The following TBC1D1 variants were observed in gnomAD, a reference collection of about 807,000 sequenced individuals.
The protein encoded by TBC1D1 is TBC1 (tre-2/USP6, BUB2, cdc16) domain family, member 1.
In TBC1D1, 89 loss-of-function variants were observed where a neutral mutation model predicts 125.6. The ratio of observed to expected loss-of-function variants is 0.71; its 90% CI spans 0.60 to 0.85. The LOEUF (loss-of-function observed/expected upper bound fraction) is 0.85. Ranked by LOEUF, TBC1D1 falls within the 40% of genes least tolerant of loss-of-function variation. The pLI is 0.00. For synonymous variants in TBC1D1, 565 were observed against 564.1 expected, an observed-to-expected ratio of 1.00 and a Z score of -0.02; for missense variants, 1,377 against 1,469.2, an observed-to-expected ratio of 0.94 and a Z score of 1.03.
intron 13 of TBC1D1, among the ~76,000 whole-genome samples, chr4:38,094,097 T>C (rs1758910044): frequency 6.6e-6 from 1 of 152,252 alleles, no homozygotes; most frequent in Non-Finnish European, 1.5e-5. Context: ...GCAATTCTTC[T>C]AAAATCTCTG....
At chr4:38,035,886 C>T (rs879463152) in intron 8 of TBC1D1, among the ~76,000 whole-genome samples, 188 bp downstream of exon 8, 1 of 152,106 alleles carries the variant, frequency 6.6e-6, no homozygotes, top group Non-Finnish European at 1.5e-5. Context: ...AGAAAAGTTT[C>T]TGCCTGCACC....
intron 6 of TBC1D1, among the ~76,000 whole-genome samples, chr4:38,026,090 AAG>A (rs1491107031): frequency 6.6e-6 from 1 of 151,618 alleles, no homozygotes; most frequent in East Asian, 1.9e-4. Context: ...TAAAAAAAAA[AAG>A]GCCCATTTCT....
At position 38,049,800 on chromosome 4, in the gene TBC1D1, C is replaced by T. The variant is rs150930395; in HGVS notation, c.1812C>T (p.Cys604=). 3,382 of 1,614,132 alleles carry T rather than the reference C, an allele frequency of 2.1e-3. 10 individuals are homozygous for T. The highest frequency in any genetic ancestry group is 2.7e-3 in the Non-Finnish European group (3,150 of 1,180,000). ...CCCTGAGTCACTTCCCCATCGAATG[C>T]CAGGAACCTCCACAACCTGCCCGGG... The change falls in exon 11 of 20, where the codon TGC becomes TGT. Residue 604 remains cysteine, a synonymous_variant. Coordinates refer to ENST00000261439, the MANE Select transcript of TBC1D1 (RefSeq NM_015173.4).
chr4:38,103,282 CT>C, intron 15 of TBC1D1, 125 bp downstream of exon 17: 2 of 981,458 alleles, frequency 2.0e-6, no homozygotes, highest in Middle Eastern at 2.2e-4. Flanking sequence ...ACTACTGAGA[CT>C]TTTAATTTAA....
At chr4:38,051,349 A>T (rs1333881982) in intron 11 of TBC1D1, among the ~76,000 whole-genome samples, 1 of 152,196 alleles carries the variant, frequency 6.6e-6, no homozygotes, top group Non-Finnish European at 1.5e-5. Context: ...AAGACATTGA[A>T]ATTCAGGGCA....
Position 37,918,380 on chromosome 4 carries a change from T to G in TBC1D1, c.417+15868T>G, listed in dbSNP as rs117097400. ...CTAAATACGATTTTAGATTTTTCTT[T>G]TTTGGCCTGTATGTATGTTTTAAAC... On this transcript the variant is annotated intron_variant, in intron 2 of 19. Transcript: ENST00000261439. Among the ~76,000 whole-genome samples the G allele has an allele frequency of 4.1e-4, 63 of 152,328 alleles. No individual in the cohort carries two copies. The East Asian group carries it at 0.011, about 27-fold the overall frequency.
intron 1 of TBC1D1, among the ~76,000 whole-genome samples, chr4:37,895,776 G>T (rs1440978987): frequency 6.6e-6 from 1 of 152,082 alleles, no homozygotes; most frequent in East Asian, 1.9e-4. Context: ...AAATTAGAAA[G>T]GCACACCCCA....
intron 11 of TBC1D1, 119 bp downstream of exon 13, chr4:38,053,344 T>C: frequency 2.3e-6 from 2 of 873,770 alleles, no homozygotes; most frequent in Non-Finnish European, 1.5e-6. Flanking sequence ...GCTAAATCTG[T>C]TGTATCTTCT....
intron 4 of TBC1D1, among the ~76,000 whole-genome samples, chr4:38,020,294 A>G (rs965785621): frequency 3.3e-5 from 5 of 152,126 alleles, no homozygotes; most frequent in Non-Finnish European, 5.9e-5. Context: ...CGAGACCAAC[A>G]TGGTGAAACA....
intron 8 of TBC1D1, among the ~76,000 whole-genome samples, chr4:38,040,114 C>T (rs1020733855): frequency 3.3e-5 from 5 of 151,964 alleles, no homozygotes; most frequent in South Asian, 2.1e-4. Flanking sequence ...TGGCAATAGA[C>T]GTGGAAAAGA....
intron 5 of TBC1D1, chr4:38,020,971 G>T (rs1016020610): frequency 3.5e-6 from 1 of 283,116 alleles, no homozygotes; most frequent in Non-Finnish European, 6.8e-6. Context: ...AAAGGAGTTT[G>T]CCTTTTTTCT....
intron 12 of TBC1D1, among the ~76,000 whole-genome samples, chr4:38,077,336 C>T (rs768375244): frequency 1.3e-5 from 2 of 152,094 alleles, no homozygotes; most frequent in South Asian, 2.1e-4. Flanking sequence ...GGAAATGCTG[C>T]GTCTACTAAG....
At chr4:38,070,645 AATT>A (rs1163188619) in intron 12 of TBC1D1, among the ~76,000 whole-genome samples, 1 of 152,208 alleles carries the variant, frequency 6.6e-6, no homozygotes, top group Non-Finnish European at 1.5e-5. Flanking sequence ...TTTCTATAAA[AATT>A]ATTGTATCTA....
chr4:37,998,705 A>G (rs1442710135), intron 2 of TBC1D1, among the ~76,000 whole-genome samples: 1 of 152,210 alleles, frequency 6.6e-6, no homozygotes, highest in Non-Finnish European at 1.5e-5. Context: ...GCCTTCTGTA[A>G]AACGGGAATG....
Position 38,109,759 on chromosome 4 carries a change from G to A in TBC1D1, c.2558-5951G>A, listed in dbSNP as rs779786864. On this transcript the variant is annotated intron_variant, in intron 15 of 19. Coordinates refer to ENST00000261439, the MANE Select transcript of TBC1D1 (RefSeq NM_015173.4). ...TGCACTCTGGGAAGCACACGTTCTA[G>A]TGGGAAGACTGATACTGGGCAACTG... 1.7e-4 allele frequency among the ~76,000 whole-genome samples: 26 copies of A among 152,322 alleles called. No individual in the cohort carries two copies. The Middle Eastern group carries it at 0.01, about 60-fold the overall frequency.
intron 2 of TBC1D1, among the ~76,000 whole-genome samples, chr4:37,973,894 G>T (rs1305542816): frequency 6.6e-6 from 1 of 152,180 alleles, no homozygotes; most frequent in African/African-American, 2.4e-5. Flanking sequence ...TAAAATGAAG[G>T]TTATGATGCA....
intron 2 of TBC1D1, among the ~76,000 whole-genome samples, chr4:37,904,780 A>T (rs1272915031): frequency 6.6e-6 from 1 of 152,250 alleles, no homozygotes; most frequent in Non-Finnish European, 1.5e-5. Context: ...TAGTATAGGT[A>T]TATACCTCAA....
chr4:37,931,127 G>A (rs1375974139), intron 2 of TBC1D1, among the ~76,000 whole-genome samples: 1 of 151,866 alleles, frequency 6.6e-6, no homozygotes, highest in Non-Finnish European at 1.5e-5. Flanking sequence ...GTTTGAGATG[G>A]AGTCTCACTC....
At chr4:37,963,038 G>T (rs1016534194) in intron 2 of TBC1D1, among the ~76,000 whole-genome samples, 1 of 152,020 alleles carries the variant, frequency 6.6e-6, no homozygotes, top group African/African-American at 2.4e-5. Flanking sequence ...GATGGCCTTG[G>T]CATGAGACAT....
Sources: allele counts gnomAD v4.1 joint callset (sites outside exome capture counted in the v4.1 genomes callset), GRCh38; gene constraint gnomAD v4.1.1; transcripts MANE v1.5; gene names NCBI Gene and HGNC (gene_info 2026-07-23, HGNC 2026-07-21).